The following NPSR1 variants were observed in gnomAD, a reference collection of about 807,000 sequenced individuals.
NPSR1 encodes the protein neuropeptide S receptor 1, also known as neuropeptide S receptor.
NPSR1 carries 48 observed loss-of-function variants against 46.9 expected under a neutral mutation model. The ratio of observed to expected loss-of-function variants is 1.02; its 90% CI spans 0.81 to 1.30. The LOEUF is 1.30. Among genes scored for constraint, NPSR1 ranks in the 50% most tolerant of loss-of-function variants. The pLI is 0.00. For missense variants in NPSR1, 450 were observed against 449.5 expected, an observed-to-expected ratio of 1.00 and a Z score of -0.01; for synonymous variants, 176 against 168.1, an observed-to-expected ratio of 1.05 and a Z score of -0.36.
At chr7:34,835,882 C>T (rs569578678) in intron 6 of NPSR1, among the ~76,000 whole-genome samples, 183 of 152,296 alleles carry the variant, frequency 1.2e-3, no homozygotes, top group Middle Eastern at 6.8e-3. Flanking sequence ...AGACACCATT[C>T]CCTGAGAGAT....
intron 5 of NPSR1, among the ~76,000 whole-genome samples, chr7:34,830,669 A>G (rs1456616040): frequency 6.6e-6 from 1 of 152,188 alleles, no homozygotes; most frequent in African/African-American, 2.4e-5. Context: ...TTTGATTATT[A>G]AAAGTAGTGA....
chr7:34,832,532 C>A (rs1055627185), intron 5 of NPSR1, among the ~76,000 whole-genome samples: 1 of 152,068 alleles, frequency 6.6e-6, no homozygotes, highest in Non-Finnish European at 1.5e-5. Flanking sequence ...AATGGGGACA[C>A]ACAGCAACGC....
At chr7:34,704,386 T>A (rs10257646) in intron 2 of NPSR1, among the ~76,000 whole-genome samples, 58,249 of 152,014 alleles carry the variant, frequency 0.38, 11,824 homozygotes, top group African/African-American at 0.5. Flanking sequence ...TGTCTTTTTT[T>A]AATTTCTACG....
At chr7:34,685,106 C>T (rs1420268608) in intron 2 of NPSR1, among the ~76,000 whole-genome samples, 1 of 152,178 alleles carries the variant, frequency 6.6e-6, no homozygotes, top group African/African-American at 2.4e-5. Flanking sequence ...AGATTAAAGC[C>T]TGTGGACATT....
intron 2 of NPSR1, among the ~76,000 whole-genome samples, chr7:34,707,971 CT>C (rs1208906869): frequency 6.6e-6 from 1 of 152,042 alleles, no homozygotes; most frequent in Admixed American, 6.5e-5. Flanking sequence ...TTTCACATGG[CT>C]TTTTTTCTGT....
intron 8 of NPSR1, among the ~76,000 whole-genome samples, chr7:34,857,909 A>G (rs571875404): frequency 6.6e-6 from 1 of 151,916 alleles, no homozygotes; most frequent in Non-Finnish European, 1.5e-5. Flanking sequence ...AACTTCAGAA[A>G]AGAAGTTATC....
At position 34,778,457 on chromosome 7, in the gene NPSR1, G is replaced by C. The variant is rs1408231542; in HGVS notation, c.281-5G>C. ...TGAATGTAAGCACTTGTACGTTTTT[G>C]TTAGATTCTTTCACAGGACTGGTCA... On this transcript the variant is annotated splice_region_variant and splice_polypyrimidine_tract_variant and intron_variant, in intron 2 of 8. Coordinates refer to ENST00000360581, the MANE Select transcript of NPSR1 (RefSeq NM_207172.2). 1.3e-6 allele frequency: 2 copies of C among 1,556,072 alleles called. No homozygotes were observed. The highest frequency in any genetic ancestry group is 2.7e-5 in the African/African-American group (2 of 73,080).
At chr7:34,682,106 G>T (rs1197767016) in intron 1 of NPSR1, among the ~76,000 whole-genome samples, 2 of 152,210 alleles carry the variant, frequency 1.3e-5, no homozygotes, top group Non-Finnish European at 2.9e-5. Flanking sequence ...TCATAGCCAA[G>T]CTCATGCTAC....
intron 2 of NPSR1, among the ~76,000 whole-genome samples, chr7:34,693,271 A>T (rs998586000): frequency 1.1e-4 from 17 of 152,142 alleles, no homozygotes; most frequent in Admixed American, 2.6e-4. Context: ...AGTCTCAGTT[A>T]CTTCTTTATA....
chr7:34,757,326 C>T (rs571979453), intron 2 of NPSR1, among the ~76,000 whole-genome samples: 82 of 152,224 alleles, frequency 5.4e-4, no homozygotes, highest in African/African-American at 1.9e-3. Context: ...CAATTACTTT[C>T]GCACCAACCT....
intron 4 of NPSR1, among the ~76,000 whole-genome samples, chr7:34,817,709 G>C (rs1789313652): frequency 6.6e-6 from 1 of 151,224 alleles, no homozygotes; most frequent in African/African-American, 2.4e-5. Flanking sequence ...ACATCAAAAA[G>C]CTTATCCACC....
chr7:34,790,494 C>G (rs557085552), intron 3 of NPSR1, among the ~76,000 whole-genome samples: 67 of 151,146 alleles, frequency 4.4e-4, no homozygotes, highest in African/African-American at 1.6e-3. Flanking sequence ...AACTTCTATT[C>G]AACATAGTAC....
At chr7:34,775,486 A>C (rs1267558355) in intron 2 of NPSR1, among the ~76,000 whole-genome samples, 2 of 152,136 alleles carry the variant, frequency 1.3e-5, no homozygotes, top group Non-Finnish European at 2.9e-5. Flanking sequence ...TCTTTATTGG[A>C]AGACATTTTA....
At chr7:34,704,736 T>C (rs1794014754) in intron 2 of NPSR1, among the ~76,000 whole-genome samples, 1 of 152,170 alleles carries the variant, frequency 6.6e-6, no homozygotes, top group Non-Finnish European at 1.5e-5. Flanking sequence ...TATGCCCTGA[T>C]TGGAGGCTGC....
chr7:34,818,813 T>TG (rs1390806185), intron 4 of NPSR1, among the ~76,000 whole-genome samples: 11 of 152,140 alleles, frequency 7.2e-5, no homozygotes, highest in Non-Finnish European at 1.3e-4. Flanking sequence ...AAACAAGAAA[T>TG]GGGGAAACGA....
intron 2 of NPSR1, among the ~76,000 whole-genome samples, chr7:34,749,819 G>C (rs1785417840): frequency 6.6e-6 from 1 of 152,158 alleles, no homozygotes; most frequent in African/African-American, 2.4e-5. Flanking sequence ...GGGATCTGTT[G>C]AATGTTTTAA....
chr7:34,750,265 G>A, intron 2 of NPSR1: 1 of 669,384 alleles, frequency 1.5e-6, no homozygotes, highest in Non-Finnish European at 2.8e-6. Context: ...ATCTGTGCCT[G>A]CGAGCTGATG....
intron 2 of NPSR1, among the ~76,000 whole-genome samples, chr7:34,759,525 C>T (rs536199140): frequency 1.3e-5 from 2 of 152,258 alleles, no homozygotes; most frequent in East Asian, 3.9e-4. Flanking sequence ...TTGGGCATGT[C>T]CTCACTTGCC....
chr7:34,809,093 C>A (rs1483754646), intron 3 of NPSR1, among the ~76,000 whole-genome samples: 1 of 152,106 alleles, frequency 6.6e-6, no homozygotes, highest in South Asian at 2.1e-4. Flanking sequence ...CCATGATGTT[C>A]CACTCCACAG....
Sources: allele counts gnomAD v4.1 joint callset (sites outside exome capture counted in the v4.1 genomes callset), GRCh38; gene constraint gnomAD v4.1.1; transcripts MANE v1.5; gene names NCBI Gene and HGNC (gene_info 2026-07-23, HGNC 2026-07-21).